The following NEO1 variants were observed in gnomAD, a reference collection of about 807,000 sequenced individuals.
The protein encoded by NEO1 is neogenin 1, also known as neogenin.
A neutral mutation model predicts 159.7 loss-of-function variants in NEO1; 63 were observed. The observed-to-expected ratio is 0.39, with a 90% CI of 0.32 to 0.49. NEO1 has a LOEUF of 0.49. Ranked by LOEUF, NEO1 falls within the 20% of genes least tolerant of loss-of-function variation. The pLI is 0.85. For synonymous variants in NEO1, 633 were observed against 662.0 expected, an observed-to-expected ratio of 0.96 and a Z score of 0.67; for missense variants, 1,615 against 1,831.0, an observed-to-expected ratio of 0.88 and a Z score of 2.15.
At position 73,059,374 on chromosome 15, in the gene NEO1, A is replaced by G. The variant is rs573872797; in HGVS notation, c.130+6569A>G. On this transcript the variant is annotated intron_variant, in intron 1 of 28. Transcript: ENST00000261908. ...TCTGCTTTTCCTTTTTTAAAGAACC[A>G]TTAGAAATAACCTTCTTTAAAATTA... 4.7e-4 allele frequency among the ~76,000 whole-genome samples: 71 copies of G among 152,340 alleles called. 1 individual carries two copies. The highest frequency in any genetic ancestry group is 1.6e-3 in the African/African-American group (65 of 41,578).
intron 15 of NEO1, among the ~76,000 whole-genome samples, chr15:73,263,566 G>A (rs999156440): frequency 3.9e-5 from 6 of 151,996 alleles, no homozygotes; most frequent in African/African-American, 1.4e-4. Context: ...TATTTTGTTA[G>A]GTATAATTAC....
At chr15:73,228,248 C>A (rs1399954232) in intron 7 of NEO1, among the ~76,000 whole-genome samples, 1 of 152,110 alleles carries the variant, frequency 6.6e-6, no homozygotes, top group Admixed American at 6.5e-5. Context: ...ACCTTTGTTT[C>A]TTAGAGTCAG....
chr15:73,136,030 A>T lies in NEO1; in HGVS notation c.1015+3A>T. ...TCAAGCAGAGCTTACAGTGCAAGGT[A>T]TGTAAATATTTACTGTATAATTTAA... On this transcript the variant is annotated splice_donor_region_variant and intron_variant, in intron 5 of 28. Transcript: ENST00000261908. The T allele has an allele frequency of 6.3e-7, 1 of 1,591,808 alleles. No homozygotes were observed. The highest frequency in any genetic ancestry group is 8.5e-7 in the Non-Finnish European group (1 of 1,173,594).
intron 1 of NEO1, among the ~76,000 whole-genome samples, chr15:73,066,943 T>C (rs937652615): frequency 1.3e-5 from 2 of 152,380 alleles, no homozygotes; most frequent in East Asian, 3.9e-4. Context: ...ATTGCCTTGA[T>C]TGCCTTTACA....
At chr15:73,212,738 A>C (rs1567497510) in intron 7 of NEO1, among the ~76,000 whole-genome samples, 2 of 151,374 alleles carry the variant, frequency 1.3e-5, no homozygotes, top group Non-Finnish European at 2.9e-5. Flanking sequence ...TAGCAAAAAA[A>C]AAGTAATGGA....
intron 2 of NEO1, among the ~76,000 whole-genome samples, chr15:73,121,633 A>C (rs903292990): frequency 6.6e-6 from 1 of 152,162 alleles, no homozygotes; most frequent in African/African-American, 2.4e-5. Flanking sequence ...TCATACGTGA[A>C]TCAGTTATTA....
intron 1 of NEO1, among the ~76,000 whole-genome samples, chr15:73,088,638 A>T (rs976771041): frequency 1.3e-5 from 2 of 152,118 alleles, no homozygotes; most frequent in Non-Finnish European, 2.9e-5. Flanking sequence ...GGGTCAGGGT[A>T]AAAAGAGTGA....
At chr15:73,058,063 A>G (rs943922252) in intron 1 of NEO1, among the ~76,000 whole-genome samples, 13 of 152,054 alleles carry the variant, frequency 8.5e-5, no homozygotes, top group Non-Finnish European at 1.5e-4. Flanking sequence ...CATACTACCT[A>G]TTGTTTTTTC....
At chr15:73,155,870 G>C (rs2033735737) in intron 5 of NEO1, among the ~76,000 whole-genome samples, 1 of 152,088 alleles carries the variant, frequency 6.6e-6, no homozygotes. Flanking sequence ...TGACTTCTTG[G>C]TACTGGTTTT....
chr15:73,304,244 CT>C lies in NEO1; in HGVS notation c.*1549del. 1.3e-5 allele frequency: 2 copies of C among 152,212 alleles called. No individual in the cohort carries two copies. Among genetic ancestry groups the C allele is most frequent in the Middle Eastern group, 6.8e-3 (2 of 292 alleles). The allele number at this position is 152,212 out of a possible 1,614,324, so 9.4% of individuals were successfully genotyped here. ...GCACATAGTTCTTGGGTTCTTTTTCCTAAAAAGGTAAGGAGCTGAGGTGTGT... is the reference window on the plus strand; with the variant it reads ...GCACATAGTTCTTGGGTTCTTTTTCCAAAAAGGTAAGGAGCTGAGGTGTGT... On this transcript the variant is annotated 3_prime_UTR_variant, in exon 29 of 29. Transcript: ENST00000261908.
intron 19 of NEO1, 44 bp downstream of exon 19, chr15:73,272,606 C>T: frequency 6.8e-6 from 9 of 1,313,978 alleles, no homozygotes; most frequent in Non-Finnish European, 9.9e-6. Context: ...GCTCTTCCTG[C>T]CTGACAGGAG....
chr15:73,086,682 T>A (rs2069378067), intron 1 of NEO1, among the ~76,000 whole-genome samples: 1 of 67,140 alleles, frequency 1.5e-5, no homozygotes, highest in Non-Finnish European at 3.0e-5. Context: ...GTTTCTAGAT[T>A]TCTTTTTTTT....
chr15:73,274,598 T>C (rs917811905), intron 20 of NEO1, 94 bp from the exon 21 acceptor site: 1 of 1,259,016 alleles, frequency 7.9e-7, no homozygotes, highest in Non-Finnish European at 1.1e-6. Flanking sequence ...TGTGGGGGTT[T>C]TAGTTTTTTT....
At chr15:73,288,929 T>C (rs2151125999) in intron 24 of NEO1, 1 of 569,930 alleles carries the variant, frequency 1.8e-6, no homozygotes, top group Admixed American at 3.0e-5. Context: ...CCCTGTGAAG[T>C]ATGGTGGGCA....
At chr15:73,198,590 G>T (rs1216827523) in intron 7 of NEO1, among the ~76,000 whole-genome samples, 1 of 151,506 alleles carries the variant, frequency 6.6e-6, no homozygotes, top group Non-Finnish European at 1.5e-5. Flanking sequence ...CAGATTGAGT[G>T]GTTTCTTTAA....
chr15:73,250,279 TA>T (rs945175338), intron 11 of NEO1, among the ~76,000 whole-genome samples: 41 of 151,952 alleles, frequency 2.7e-4, no homozygotes, highest in Non-Finnish European at 5.0e-4. Flanking sequence ...AACCAGCATT[TA>T]AAAAAAATAT....
intron 7 of NEO1, among the ~76,000 whole-genome samples, chr15:73,191,988 A>G (rs571038632): frequency 8.4e-4 from 128 of 152,196 alleles, no homozygotes; most frequent in African/African-American, 3.0e-3. Flanking sequence ...CTAAGTGGTG[A>G]GGATGAAACA....
intron 3 of NEO1, among the ~76,000 whole-genome samples, 193 bp from the exon 4 acceptor site, chr15:73,126,223 GT>G: frequency 6.6e-6 from 1 of 152,218 alleles, no homozygotes; most frequent in African/African-American, 2.4e-5. Context: ...GATTAAAGCA[GT>G]AAAGTGCTTT....
intron 20 of NEO1, 66 bp from the exon 21 acceptor site, chr15:73,274,626 C>A: frequency 6.6e-7 from 1 of 1,525,994 alleles, no homozygotes; most frequent in Non-Finnish European, 9.0e-7. Flanking sequence ...AAAGTTCTGC[C>A]TGTCCCATCT....
Sources: allele counts gnomAD v4.1 joint callset (sites outside exome capture counted in the v4.1 genomes callset), GRCh38; gene constraint gnomAD v4.1.1; transcripts MANE v1.5; gene names NCBI Gene and HGNC (gene_info 2026-07-23, HGNC 2026-07-21).